Variants in EYA4 observed in about 807,000 individuals in gnomAD.
EYA4 encodes the protein EYA transcriptional coactivator and phosphatase 4.
EYA4 carries 31 observed loss-of-function variants against 87.9 expected under a neutral mutation model. The ratio of observed to expected loss-of-function variants is 0.35; its 90% confidence interval spans 0.27 to 0.48. The LOEUF (loss-of-function observed/expected upper bound fraction) is 0.48, where lower values mean the gene tolerates loss of function less well. Among genes scored for constraint, EYA4 ranks in the 20% least tolerant of loss-of-function variants. The pLI, the probability that EYA4 is intolerant of heterozygous loss-of-function variation, is 0.99. For synonymous variants in EYA4, 263 were observed against 270.6 expected, an observed-to-expected ratio of 0.97 and a Z score of 0.28; for missense variants, 678 against 761.4, an observed-to-expected ratio of 0.89 and a Z score of 1.29.
intron 19 of EYA4, among the ~76,000 whole-genome samples, chr6:133,526,321 G>A (rs1800627641): frequency 6.6e-6 from 1 of 152,106 alleles, no homozygotes; most frequent in Non-Finnish European, 1.5e-5. Flanking sequence ...ATCACCCTAA[G>A]GAGATTTTAA....
intron 2 of EYA4, among the ~76,000 whole-genome samples, chr6:133,368,713 C>G (rs1160285928): frequency 6.6e-6 from 1 of 152,130 alleles, no homozygotes; most frequent in Non-Finnish European, 1.5e-5. Context: ...AGCTCTCTGT[C>G]ATATAAATAT....
At chr6:133,282,979 T>G (rs576780658) in intron 2 of EYA4, among the ~76,000 whole-genome samples, 6 of 152,264 alleles carry the variant, frequency 3.9e-5, no homozygotes, top group African/African-American at 1.2e-4. Context: ...TATCTAATAA[T>G]TCTATCTTAT....
At chr6:133,389,826 G>GA (rs1466769356) in intron 3 of EYA4, among the ~76,000 whole-genome samples, 2 of 152,116 alleles carry the variant, frequency 1.3e-5, no homozygotes, top group Non-Finnish European at 2.9e-5. Flanking sequence ...ATGAAACCAT[G>GA]TTTTTTGAAT....
At chr6:133,405,071 G>C (rs894707143) in intron 3 of EYA4, among the ~76,000 whole-genome samples, 2 of 152,134 alleles carry the variant, frequency 1.3e-5, no homozygotes, top group Middle Eastern at 3.4e-3. Context: ...TCATTTCCTA[G>C]TGTCATGATT....
chr6:133,427,177 T>C (rs1790750201), intron 3 of EYA4, among the ~76,000 whole-genome samples: 1 of 152,240 alleles, frequency 6.6e-6, no homozygotes, highest in African/African-American at 2.4e-5. Context: ...GAAGAAAGTA[T>C]GAACAAATTT....
At chr6:133,340,931 A>C (rs977905723) in intron 2 of EYA4, among the ~76,000 whole-genome samples, 2 of 152,202 alleles carry the variant, frequency 1.3e-5, no homozygotes, top group African/African-American at 4.8e-5. Context: ...GGGAAGGAGC[A>C]GTTAAAGTAT....
intron 2 of EYA4, among the ~76,000 whole-genome samples, chr6:133,287,087 G>A (rs1007467569): frequency 1.3e-4 from 20 of 152,102 alleles, no homozygotes; most frequent in African/African-American, 3.1e-4. Context: ...TTTCCAATGA[G>A]TGTTTTATTT....
intron 2 of EYA4, among the ~76,000 whole-genome samples, chr6:133,285,399 G>C (rs1777972888): frequency 1.3e-5 from 2 of 152,288 alleles, no homozygotes; most frequent in South Asian, 4.1e-4. Context: ...TGAGGTGGTA[G>C]CATGCAGGGT....
At chr6:133,502,559 G>T (rs1315436248) in intron 13 of EYA4, 1 of 152,188 alleles carries the variant, frequency 6.6e-6, no homozygotes, top group Non-Finnish European at 1.5e-5. Flanking sequence ...CATTGCTAAG[G>T]CTACACCCAC....
At chr6:133,451,869 T>C (rs1793479484) in intron 5 of EYA4, among the ~76,000 whole-genome samples, 1 of 152,228 alleles carries the variant, frequency 6.6e-6, no homozygotes, top group African/African-American at 2.4e-5. Context: ...TCTAGAATTT[T>C]TACTGTAGAG....
chr6:133,395,818 G>C (rs1207433150), intron 3 of EYA4, among the ~76,000 whole-genome samples: 3 of 152,132 alleles, frequency 2.0e-5, no homozygotes, highest in East Asian at 1.9e-4. Flanking sequence ...GAGTAACTCT[G>C]TATCCCAGCT....
rs535021303 is a variant in EYA4 at position 133,284,889 on chromosome 6, T to C, written c.33+10076T>C. ...CAGTAAACAAATATAGTATGTCAGATAGTAATAAGTGCAAGGAGAAAAACC... is the reference window on the plus strand; with the variant it reads ...CAGTAAACAAATATAGTATGTCAGACAGTAATAAGTGCAAGGAGAAAAACC... On this transcript the variant is annotated intron_variant, in intron 2 of 19. Transcript: ENST00000355286. Among the ~76,000 whole-genome samples the C allele has an allele frequency of 3.3e-5, 5 of 152,110 alleles. No homozygotes were observed. In the South Asian group the frequency reaches 1.0e-3, roughly 32 times the overall value.
At chr6:133,509,183 CCTT>C (rs1798914722) in intron 14 of EYA4, among the ~76,000 whole-genome samples, 1 of 152,156 alleles carries the variant, frequency 6.6e-6, no homozygotes, top group Admixed American at 6.5e-5. Context: ...AGCGCCCTAT[CCTT>C]CTGCATCTGA....
intron 2 of EYA4, among the ~76,000 whole-genome samples, chr6:133,365,891 T>C (rs986671188): frequency 2.6e-5 from 4 of 152,176 alleles, no homozygotes; most frequent in Non-Finnish European, 5.9e-5. Context: ...TGGCTAGCTC[T>C]GGGAGTATAG....
chr6:133,354,733 G>C (rs564722201), intron 2 of EYA4, among the ~76,000 whole-genome samples: 2 of 152,262 alleles, frequency 1.3e-5, no homozygotes, highest in South Asian at 4.1e-4. Context: ...ATTTTATAGA[G>C]AAAGAAAGGA....
At chr6:133,438,254 G>C (rs569417617) in intron 3 of EYA4, among the ~76,000 whole-genome samples, 1 of 151,682 alleles carries the variant, frequency 6.6e-6, no homozygotes, top group Non-Finnish European at 1.5e-5. Context: ...ATTGCATTTC[G>C]GTTTCCTGTG....
chr6:133,293,733 C>T (rs1180310662), intron 2 of EYA4, among the ~76,000 whole-genome samples: 5 of 151,738 alleles, frequency 3.3e-5, no homozygotes, highest in South Asian at 2.1e-4. Context: ...CCCAGGGGTT[C>T]GACACCAGCC....
At chr6:133,467,280 G>C (rs1794934544) in intron 10 of EYA4, among the ~76,000 whole-genome samples, 1 of 152,080 alleles carries the variant, frequency 6.6e-6, no homozygotes, top group African/African-American at 2.4e-5. Context: ...TTCTAGCTCT[G>C]AAACTTACTA....
chr6:133,295,656 G>A (rs1180437989), intron 2 of EYA4, among the ~76,000 whole-genome samples: 1 of 152,004 alleles, frequency 6.6e-6, no homozygotes, highest in Admixed American at 6.6e-5. Context: ...TTAAAGACAG[G>A]ACAATAAAAT....
Sources: gnomAD v4.1 joint callset for allele counts (sites outside exome capture counted in the v4.1 genomes callset) on GRCh38, gnomAD v4.1.1 for gene constraint, MANE v1.5 for transcripts, NCBI Gene and HGNC (gene_info 2026-07-23, HGNC 2026-07-21) for gene names.